The following GMDS variants were observed in gnomAD, a reference collection of about 807,000 sequenced individuals.
The protein encoded by GMDS is GDP-mannose 4,6 dehydratase.
GMDS carries 20 observed loss-of-function variants against 49.9 expected under a neutral mutation model. That is an observed-to-expected ratio of 0.40 (90% CI 0.28 to 0.58). GMDS has a LOEUF of 0.58. GMDS is among the 20% of genes least tolerant of loss of function. The pLI, the probability that GMDS is intolerant of heterozygous loss-of-function variation, is 0.42. For missense variants in GMDS, 362 were observed against 481.4 expected, an observed-to-expected ratio of 0.75 and a Z score of 2.32; for synonymous variants, 177 against 178.6, an observed-to-expected ratio of 0.99 and a Z score of 0.07.
At chr6:2,114,952 C>A (rs570906971) in intron 4 of GMDS, among the ~76,000 whole-genome samples, 7 of 149,036 alleles carry the variant, frequency 4.7e-5, no homozygotes, top group African/African-American at 1.8e-4. Context: ...AATAGCAAAA[C>A]AAACAAACAA....
At chr6:2,033,907 C>A (rs760175500) in intron 4 of GMDS, among the ~76,000 whole-genome samples, 1 of 152,224 alleles carries the variant, frequency 6.6e-6, no homozygotes, top group Middle Eastern at 3.4e-3. Flanking sequence ...GGAATCAGAT[C>A]CGAAGGAGAC....
intron 7 of GMDS, among the ~76,000 whole-genome samples, chr6:1,776,368 G>A (rs1183577316): frequency 3.3e-5 from 5 of 152,088 alleles, no homozygotes; most frequent in African/African-American, 1.2e-4. Context: ...AGAATTTTTG[G>A]AATATTAAAT....
At chr6:1,790,723 G>A (rs1377475117) in intron 7 of GMDS, among the ~76,000 whole-genome samples, 2 of 152,054 alleles carry the variant, frequency 1.3e-5, no homozygotes, top group South Asian at 2.1e-4. Context: ...CACATGTACC[G>A]AGGAATATGT....
rs73410433 is a variant in GMDS at position 2,018,911 on chromosome 6, A to G, written c.346-57945T>C. 7.0e-3 allele frequency among the ~76,000 whole-genome samples: 1,061 copies of G among 152,196 alleles called. 9 individuals are homozygous for G. The highest frequency in any genetic ancestry group is 0.024 in the African/African-American group (995 of 41,538). On this transcript the variant is annotated intron_variant, in intron 4 of 10. Transcript: ENST00000380815. ...CATTTAACCTTTCAAGGAACTGCCC[A>G]TCTATTTTTTAAAGTGGCTACATCA...
At chr6:1,944,511 T>A (rs1365671116) in intron 6 of GMDS, among the ~76,000 whole-genome samples, 10 of 106,174 alleles carry the variant, frequency 9.4e-5, no homozygotes, top group South Asian at 2.9e-4. Flanking sequence ...TCTAAAAAAA[T>A]ATATATATAT....
At chr6:2,033,196 C>A (rs542707833) in intron 4 of GMDS, among the ~76,000 whole-genome samples, 14 of 152,122 alleles carry the variant, frequency 9.2e-5, no homozygotes, top group Non-Finnish European at 1.9e-4. Flanking sequence ...TGCATAATCA[C>A]TGAATCAATA....
intron 4 of GMDS, among the ~76,000 whole-genome samples, chr6:1,968,698 C>T (rs183542226): frequency 8.5e-5 from 13 of 152,176 alleles, no homozygotes; most frequent in Admixed American, 8.5e-4. Context: ...ACTGCATCTC[C>T]CTCATATTTC....
rs1420354571 is a variant in GMDS at position 2,173,466 on chromosome 6, C to A, written c.103-48735G>T. ...TTACAGGGCATGGAGGGAAGGAGGG[C>A]AGCAAGGCAGAGAAAGTCACGGATT... On this transcript the variant is annotated intron_variant, in intron 1 of 10. Coordinates refer to ENST00000380815, the MANE Select transcript of GMDS (RefSeq NM_001500.4). Among the ~76,000 whole-genome samples the A allele has an allele frequency of 2.0e-5, 3 of 152,166 alleles. No homozygotes were observed. The East Asian group carries it at 5.8e-4, about 29-fold the overall frequency.
intron 4 of GMDS, among the ~76,000 whole-genome samples, chr6:2,053,296 T>C (rs1442657495): frequency 2.0e-5 from 3 of 152,072 alleles, no homozygotes; most frequent in Non-Finnish European, 2.9e-5. Context: ...AAATTAATAG[T>C]CTTACAGTGA....
chr6:1,810,505 A>G (rs183331498), intron 7 of GMDS, among the ~76,000 whole-genome samples: 85 of 151,764 alleles, frequency 5.6e-4, no homozygotes, highest in African/African-American at 2.0e-3. Context: ...CTGGTCTCGA[A>G]CTCTTGACCT....
At chr6:1,678,445 G>C (rs1344299319) in intron 9 of GMDS, among the ~76,000 whole-genome samples, 1 of 152,158 alleles carries the variant, frequency 6.6e-6, no homozygotes, top group Non-Finnish European at 1.5e-5. Flanking sequence ...TGGTGACCTT[G>C]ATTCACTAAA....
intron 7 of GMDS, among the ~76,000 whole-genome samples, chr6:1,865,124 C>A (rs1758384231): frequency 6.6e-6 from 1 of 152,206 alleles, no homozygotes; most frequent in South Asian, 2.1e-4. Flanking sequence ...AATATCCTAA[C>A]TTCATCAGTC....
chr6:2,004,880 C>T (rs892757248), intron 4 of GMDS, among the ~76,000 whole-genome samples: 3 of 152,038 alleles, frequency 2.0e-5, no homozygotes, highest in Admixed American at 6.6e-5. Context: ...ATTATTTGAG[C>T]GAATGTTTGA....
chr6:1,624,003 A>T lies in GMDS; in HGVS notation c.*166T>A, dbSNP rs1762766019. ...GGAGGGTCACATCCCGGCTGCTACAAACCTCGGCGGGGCGGCCCCGCTCTT... is the reference window on the plus strand; with the variant it reads ...GGAGGGTCACATCCCGGCTGCTACATACCTCGGCGGGGCGGCCCCGCTCTT... On this transcript the variant is annotated 3_prime_UTR_variant, in exon 11 of 11. Transcript: ENST00000380815. The T allele has an allele frequency of 1.7e-6, 1 of 602,824 alleles. No homozygotes were observed. The highest frequency in any genetic ancestry group is 1.9e-5 in the African/African-American group (1 of 52,956). The allele number at this position is 602,824 out of a possible 1,614,324, so 37.3% of individuals were successfully genotyped here.
chr6:1,960,093 A>G, intron 5 of GMDS, 122 bp from the exon 6 acceptor site: 1 of 538,984 alleles, frequency 1.9e-6, no homozygotes, highest in Non-Finnish European at 3.3e-6. Flanking sequence ...ACAAAAAAGT[A>G]TCAAAACCCA....
At chr6:1,888,616 G>C (rs1227816359) in intron 7 of GMDS, among the ~76,000 whole-genome samples, 5 of 152,078 alleles carry the variant, frequency 3.3e-5, no homozygotes, top group African/African-American at 4.8e-5. Flanking sequence ...CAAATCTCAG[G>C]TCCCTTTCAC....
intron 4 of GMDS, among the ~76,000 whole-genome samples, chr6:2,108,229 C>G (rs1045656885): frequency 3.9e-5 from 6 of 152,094 alleles, no homozygotes; most frequent in African/African-American, 1.4e-4. Context: ...TTGACAATTT[C>G]ATTTAAAAAT....
At chr6:1,819,157 G>C (rs1421729281) in intron 7 of GMDS, among the ~76,000 whole-genome samples, 2 of 151,374 alleles carry the variant, frequency 1.3e-5, no homozygotes, top group African/African-American at 4.9e-5. Context: ...TTTTAACTTG[G>C]CAAGGTTGAA....
intron 6 of GMDS, 72 bp from the exon 7 acceptor site, chr6:1,930,302 C>G: frequency 7.9e-7 from 1 of 1,272,018 alleles, no homozygotes; most frequent in South Asian, 1.4e-5. Flanking sequence ...GAACCAAACC[C>G]GATTTCGGCC....
Sources: gnomAD v4.1 joint callset for allele counts (sites outside exome capture counted in the v4.1 genomes callset) on GRCh38, gnomAD v4.1.1 for gene constraint, MANE v1.5 for transcripts, NCBI Gene and HGNC (gene_info 2026-07-23, HGNC 2026-07-21) for gene names.